Variants in OPHN1 observed in about 807,000 individuals in gnomAD.
The protein encoded by OPHN1 is oligophrenin-1.
Under a neutral mutation model 60.7 loss-of-function variants are expected in OPHN1, and 11 were observed. That is an observed-to-expected ratio of 0.18 (90% confidence interval 0.11 to 0.30). The LOEUF is 0.30. OPHN1 is among the 10% of genes least tolerant of loss of function. OPHN1 has a pLI of 1.00. For missense variants in OPHN1, 449 were observed against 611.0 expected (o/e 0.73, Z 2.80); for synonymous variants, 226 against 222.6 (o/e 1.02, Z -0.14).
At chrX:68,397,209 C>G (rs1241461755) in intron 2 of OPHN1, among the ~76,000 whole-genome samples, 1 of 111,917 alleles carries the variant, frequency 8.9e-6, no homozygotes, top group African/African-American at 3.2e-5. Flanking sequence ...ACAACTTTTT[C>G]CTTTGGTTGT....
At chrX:68,065,155 A>C (rs909752237) in intron 20 of OPHN1, among the ~76,000 whole-genome samples, 1 of 111,921 alleles carries the variant, frequency 8.9e-6, no homozygotes, top group African/African-American at 3.3e-5. Flanking sequence ...AATAAAAAAA[A>C]AGAACAGAGG....
At chrX:68,206,887 G>A (rs2077561709) in intron 9 of OPHN1, among the ~76,000 whole-genome samples, 1 of 110,808 alleles carries the variant, frequency 9.0e-6, no homozygotes, top group Non-Finnish European at 1.9e-5. Flanking sequence ...GCTGCTTCTG[G>A]CTTGCTCAAA....
At chrX:68,237,280 C>T (rs994374234) in intron 5 of OPHN1, among the ~76,000 whole-genome samples, 1 of 112,645 alleles carries the variant, frequency 8.9e-6, no homozygotes, top group South Asian at 3.6e-4. Flanking sequence ...CCACAACGCC[C>T]GGCCTGTAGT....
chrX:68,375,360 G>T (rs1431311486), intron 2 of OPHN1, among the ~76,000 whole-genome samples: 1 of 111,330 alleles, frequency 9.0e-6, no homozygotes, highest in Non-Finnish European at 1.9e-5. Flanking sequence ...AGCAGGGCAT[G>T]GAGGTGCACA....
intron 5 of OPHN1, among the ~76,000 whole-genome samples, chrX:68,251,832 A>C (rs1434961307): frequency 9.0e-6 from 1 of 111,591 alleles, no homozygotes; most frequent in East Asian, 2.8e-4. Flanking sequence ...TCCTACTGCC[A>C]CTACTTTTCA....
chrX:68,113,219 A>G lies in OPHN1; in HGVS notation c.1382T>C (p.Met461Thr), dbSNP rs754900332. ...FYLRNLSEPV[M>T]TYRLHKELVS... Reference sequence around the variant, plus strand: ...CAGCTCTTTGTGAAGTCTATAGGTCATGACAGGTTCAGAAAGATTCCTGAA... The same window carrying G: ...CAGCTCTTTGTGAAGTCTATAGGTCGTGACAGGTTCAGAAAGATTCCTGAA... Residue 461 changes from methionine to threonine, a missense_variant, in exon 17 of 25, where the codon ATG (methionine) becomes ACG (threonine). Around this residue, in one of 4 missense-constraint regions of OPHN1, gnomAD observed 166 missense variants for 278.4 expected, o/e 0.60. Transcript: ENST00000355520. The G allele has an allele frequency of 8.3e-7, 1 of 1,208,701 alleles. No homozygotes were observed. The highest frequency in any genetic ancestry group is 2.2e-5 in the Admixed American group (1 of 45,983).
Position 68,417,825 on chromosome X carries a change from A to T in OPHN1, c.154+15042T>A, listed in dbSNP as rs184060727. Among the ~76,000 whole-genome samples, 903 of 112,555 alleles carry T rather than the reference A, an allele frequency of 8.0e-3. 5 individuals carry two copies. The highest frequency in any genetic ancestry group is 0.012 in the Non-Finnish European group (631 of 53,276). ...CTCCTTAGAGGTAAGACTGCTACTA[A>T]AAAAGGAAACCCTCCCTGAAGAGAA... On this transcript the variant is annotated intron_variant, in intron 2 of 24. Transcript: ENST00000355520.
intron 2 of OPHN1, among the ~76,000 whole-genome samples, chrX:68,367,740 TC>T (rs2078506873): frequency 9.0e-6 from 1 of 111,509 alleles, no homozygotes; most frequent in Admixed American, 9.6e-5. Flanking sequence ...GGGGGCAGTT[TC>T]CCCCCTGCTG....
At chrX:68,117,126 C>T (rs949697254) in intron 16 of OPHN1, among the ~76,000 whole-genome samples, 2 of 111,314 alleles carry the variant, frequency 1.8e-5, no homozygotes, top group Non-Finnish European at 3.8e-5. Context: ...TCCTTTAAAG[C>T]CATGAATGAT....
At position 68,387,523 on chromosome X, in the gene OPHN1, ATC is replaced by A. The variant is rs1455744810; in HGVS notation, c.154+45342_154+45343del. On this transcript the variant is annotated intron_variant, in intron 2 of 24. Transcript: ENST00000355520. ...ATTTATTCCTGTAAGAAAATACTGT[ATC>A]TGTTTGTTTACTCGTGTATTTTATG... Among the ~76,000 whole-genome samples the A allele has an allele frequency of 2.7e-5, 3 of 111,636 alleles. No individual in the cohort carries two copies. In the South Asian group the frequency reaches 1.1e-3, roughly 42 times the overall value.
intron 2 of OPHN1, among the ~76,000 whole-genome samples, chrX:68,396,904 C>G (rs1396180199): frequency 8.9e-6 from 1 of 111,949 alleles, no homozygotes; most frequent in Non-Finnish European, 1.9e-5. Flanking sequence ...GAAATTTACC[C>G]GTTACTCCTC....
At chrX:68,282,875 A>G (rs574264588) in intron 4 of OPHN1, among the ~76,000 whole-genome samples, 181 bp downstream of exon 4, 80 of 112,023 alleles carry the variant, frequency 7.1e-4, no homozygotes, top group Middle Eastern at 9.3e-3. Context: ...ATCTAATGCC[A>G]AACTCTCAGG....
chrX:68,408,100 C>A (rs1232620395), intron 2 of OPHN1, among the ~76,000 whole-genome samples: 1 of 112,206 alleles, frequency 8.9e-6, no homozygotes, highest in Non-Finnish European at 1.9e-5. Flanking sequence ...CCATCATGCC[C>A]AGCTTTCTGC....
chrX:68,231,773 T>C (rs1811341461), intron 6 of OPHN1, among the ~76,000 whole-genome samples: 1 of 111,404 alleles, frequency 9.0e-6, no homozygotes, highest in Admixed American at 9.6e-5. Context: ...AAAAGATCAG[T>C]GGTGTCAGAG....
At chrX:68,149,457 CCT>C (rs995811232) in intron 15 of OPHN1, among the ~76,000 whole-genome samples, 4 of 111,047 alleles carry the variant, frequency 3.6e-5, no homozygotes, top group Admixed American at 1.9e-4. Context: ...TTATATATAC[CCT>C]GTCTTCTCCA....
Position 68,271,156 on chromosome X carries a change from T to A in OPHN1, c.384+3582A>T, listed in dbSNP as rs1316932842. 2.3e-4 allele frequency among the ~76,000 whole-genome samples: 26 copies of A among 110,880 alleles called. No individual in the cohort carries two copies. The Admixed American group carries it at 2.5e-3, about 11-fold the overall frequency. On this transcript the variant is annotated intron_variant, in intron 5 of 24. Coordinates refer to ENST00000355520, the MANE Select transcript of OPHN1 (RefSeq NM_002547.3). Reference sequence around the variant, plus strand: ...ACAAATAATTGACATATAAGAAAACTCTATATGGTACTCTAAGTTTAAGGA... The same window carrying A: ...ACAAATAATTGACATATAAGAAAACACTATATGGTACTCTAAGTTTAAGGA...
chrX:68,251,482 C>T (rs1228097763), intron 5 of OPHN1, among the ~76,000 whole-genome samples: 4 of 110,776 alleles, frequency 3.6e-5, no homozygotes, highest in African/African-American at 1.3e-4. Flanking sequence ...CCGCACCTGG[C>T]CCCTCCTCAA....
chrX:68,366,037 A>G (rs746216110), intron 2 of OPHN1, among the ~76,000 whole-genome samples: 7 of 109,741 alleles, frequency 6.4e-5, no homozygotes, highest in Admixed American at 2.0e-4. Context: ...GCTGACGAAA[A>G]TCTAACACAC....
chrX:68,422,589 A>C (rs2078831800), intron 2 of OPHN1, among the ~76,000 whole-genome samples: 1 of 87,644 alleles, frequency 1.1e-5, no homozygotes, highest in Non-Finnish European at 2.3e-5. Flanking sequence ...GGAGGGAAGA[A>C]AGAAAGAAAA....
Sources: gnomAD v4.1 joint callset for allele counts (sites outside exome capture counted in the v4.1 genomes callset) on GRCh38, gnomAD v4.1.1 for gene constraint, gnomAD v4.1.1 regional missense constraint, MANE v1.5 for transcripts, NCBI Gene and HGNC (gene_info 2026-07-23, HGNC 2026-07-21) for gene names.